The following UNC5C variants were observed in gnomAD, a reference collection of about 807,000 sequenced individuals.
The protein encoded by UNC5C is unc-5 netrin receptor C, also known as netrin receptor UNC5C.
A neutral mutation model predicts 99.8 loss-of-function variants in UNC5C; 47 were observed. The ratio of observed to expected loss-of-function variants is 0.47; its 90% CI spans 0.37 to 0.60. The LOEUF is 0.60. UNC5C is among the 20% of genes least tolerant of loss of function. UNC5C has a pLI of 0.00. For missense variants in UNC5C, 1,062 were observed against 1,165.9 expected (o/e 0.91, Z 1.30); for synonymous variants, 487 against 452.2 (o/e 1.08, Z -0.98).
At chr4:95,174,522 G>C (rs1432157376) in intron 14 of UNC5C, among the ~76,000 whole-genome samples, 1 of 152,106 alleles carries the variant, frequency 6.6e-6, no homozygotes, top group African/African-American at 2.4e-5. Context: ...TTCAGGAGCA[G>C]GTTGTTCAGT....
chr4:95,230,448 T>G (rs1456949600), intron 7 of UNC5C, among the ~76,000 whole-genome samples: 1 of 152,198 alleles, frequency 6.6e-6, no homozygotes, highest in African/African-American at 2.4e-5. Flanking sequence ...TTAGTTTAAT[T>G]AGATCCCATT....
chr4:95,237,554 A>G (rs1488574422), intron 7 of UNC5C, among the ~76,000 whole-genome samples: 1 of 152,216 alleles, frequency 6.6e-6, no homozygotes, highest in African/African-American at 2.4e-5. Context: ...AAACTGGTAA[A>G]CAATTTAGAA....
chr4:95,324,038 A>AAAATAAAT lies in UNC5C; in HGVS notation c.346+11364_346+11371dup, dbSNP rs539177510. On this transcript the variant is annotated intron_variant, in intron 2 of 15. Coordinates refer to ENST00000453304, the MANE Select transcript of UNC5C (RefSeq NM_003728.4). ...GCAACAGAGTGAGACTCCATCTCAAAAAATAAATAAATAAATAAATAAATA... is the reference window on the plus strand; with the variant it reads ...GCAACAGAGTGAGACTCCATCTCAAAAAATAAATAAATAAATAAATAAATAAATAAATA... Among the ~76,000 whole-genome samples, 34 of 151,980 alleles carry AAAATAAAT rather than the reference A, an allele frequency of 2.2e-4. No homozygotes were observed. In the South Asian group the frequency reaches 3.3e-3, roughly 15 times the overall value.
At chr4:95,510,714 C>T (rs1722048440) in intron 1 of UNC5C, among the ~76,000 whole-genome samples, 1 of 152,074 alleles carries the variant, frequency 6.6e-6, no homozygotes, top group Admixed American at 6.6e-5. Flanking sequence ...ACTTGGACAT[C>T]TCTGACACTG....
intron 1 of UNC5C, among the ~76,000 whole-genome samples, chr4:95,521,988 T>A (rs1376141615): frequency 6.6e-6 from 1 of 152,142 alleles, no homozygotes; most frequent in African/African-American, 2.4e-5. Context: ...GTCAGAAATG[T>A]GCATTTCTTT....
chr4:95,332,989 A>G (rs561185957), intron 2 of UNC5C, among the ~76,000 whole-genome samples: 4 of 152,210 alleles, frequency 2.6e-5, no homozygotes, highest in Admixed American at 1.3e-4. Context: ...ATCACTGGCC[A>G]TCAGAGAAAT....
At chr4:95,361,232 G>A (rs1422593408) in intron 1 of UNC5C, among the ~76,000 whole-genome samples, 1 of 152,016 alleles carries the variant, frequency 6.6e-6, no homozygotes, top group Non-Finnish European at 1.5e-5. Flanking sequence ...CCTCCTGCAG[G>A]GACTATTTTA....
Position 95,419,419 on chromosome 4 carries a change from G to T in UNC5C, c.125-83788C>A, listed in dbSNP as rs532761556. 1.4e-4 allele frequency among the ~76,000 whole-genome samples: 21 copies of T among 152,088 alleles called. No individual in the cohort carries two copies. In the East Asian group the frequency reaches 3.9e-3, roughly 28 times the overall value. ...TATGATAATATGAAATTTACTTTCT[G>T]TTAAACCATTTTACCTGTGAACATA... On this transcript the variant is annotated intron_variant, in intron 1 of 15. Coordinates refer to ENST00000453304, the MANE Select transcript of UNC5C (RefSeq NM_003728.4).
At position 95,278,256 on chromosome 4, in the gene UNC5C, C is replaced by T. The variant is rs566138784; in HGVS notation, c.594+3G>A. 1.2e-6 allele frequency: 2 copies of T among 1,612,176 alleles called. No individual in the cohort carries two copies. Among genetic ancestry groups the T allele is most frequent in the African/African-American group, 1.3e-5 (1 of 74,990 alleles). Reference sequence around the variant, plus strand: ...CTAAATGCAAAGAATTGTTGTTATTCACCTCAGCCACTGGGATCCCTTCAG... The same window carrying T: ...CTAAATGCAAAGAATTGTTGTTATTTACCTCAGCCACTGGGATCCCTTCAG... On this transcript the variant is annotated splice_donor_region_variant and intron_variant, in intron 4 of 15. Transcript: ENST00000453304.
At chr4:95,528,702 G>A (rs780437043) in intron 1 of UNC5C, among the ~76,000 whole-genome samples, 5 of 152,050 alleles carry the variant, frequency 3.3e-5, no homozygotes, top group Non-Finnish European at 5.9e-5. Flanking sequence ...AGTAGAGAGC[G>A]ACTCAAGAAA....
chr4:95,323,475 C>T (rs1396318352), intron 2 of UNC5C, among the ~76,000 whole-genome samples: 1 of 152,190 alleles, frequency 6.6e-6, no homozygotes, highest in Non-Finnish European at 1.5e-5. Flanking sequence ...ATTAGTTTCA[C>T]TCAATTTAAT....
rs192154165 is a variant in UNC5C, at chr4:95,214,082, T to C, written c.1733+2042A>G. ...ACAGCTTGCAGAACGTAGTGAGAAG[T>C]AAATGAAATTAAGAGTTTGCTGGAT... On this transcript the variant is annotated intron_variant, in intron 10 of 15. Transcript: ENST00000453304. Among the ~76,000 whole-genome samples, 14 of 152,340 alleles carry C rather than the reference T, an allele frequency of 9.2e-5. No homozygotes were observed. The East Asian group carries it at 2.3e-3, about 25-fold the overall frequency.
chr4:95,257,107 C>G (rs776299685), intron 4 of UNC5C, among the ~76,000 whole-genome samples: 4 of 152,144 alleles, frequency 2.6e-5, no homozygotes, highest in Non-Finnish European at 5.9e-5. Context: ...TCAATCCAAT[C>G]AAGTTGACAC....
chr4:95,465,710 G>A (rs1228937170), intron 1 of UNC5C, among the ~76,000 whole-genome samples: 1 of 152,108 alleles, frequency 6.6e-6, no homozygotes, highest in African/African-American at 2.4e-5. Flanking sequence ...AATTAGAAAA[G>A]CTAATGATGA....
intron 1 of UNC5C, among the ~76,000 whole-genome samples, chr4:95,430,789 A>T (rs1746614537): frequency 6.6e-6 from 1 of 152,102 alleles, no homozygotes; most frequent in South Asian, 2.1e-4. Flanking sequence ...TTTTATCATG[A>T]TGATAGACCC....
chr4:95,289,037 C>A (rs1483743631), intron 3 of UNC5C, among the ~76,000 whole-genome samples: 1 of 152,202 alleles, frequency 6.6e-6, no homozygotes, highest in Non-Finnish European at 1.5e-5. Flanking sequence ...TCTGTACTTA[C>A]TGAGGTTGCT....
intron 1 of UNC5C, among the ~76,000 whole-genome samples, chr4:95,507,925 G>A (rs1004872634): frequency 1.5e-4 from 23 of 151,986 alleles, no homozygotes; most frequent in Middle Eastern, 3.2e-3. Flanking sequence ...CATGAATTAA[G>A]TCAAATGTTT....
intron 1 of UNC5C, among the ~76,000 whole-genome samples, chr4:95,463,974 G>A (rs1371936885): frequency 6.6e-6 from 1 of 152,150 alleles, no homozygotes; most frequent in Non-Finnish European, 1.5e-5. Flanking sequence ...TAAAATAACT[G>A]CGTATCTTTA....
intron 1 of UNC5C, among the ~76,000 whole-genome samples, chr4:95,372,156 A>C (rs1373999109): frequency 2.0e-5 from 3 of 152,194 alleles, no homozygotes; most frequent in Non-Finnish European, 4.4e-5. Context: ...GACTACTTTC[A>C]TTAGGAAACT....
Sources: allele counts gnomAD v4.1 joint callset (sites outside exome capture counted in the v4.1 genomes callset), GRCh38; gene constraint gnomAD v4.1.1; transcripts MANE v1.5; gene names NCBI Gene and HGNC (gene_info 2026-07-23, HGNC 2026-07-21).